NVL: variants seen among roughly 807,000 people sequenced by gnomAD.
The protein encoded by NVL is nuclear VCP like, also known as nuclear valosin-containing protein-like.
NVL carries 84 observed loss-of-function variants against 110.2 expected under a neutral mutation model. That is an observed-to-expected ratio of 0.76 (90% confidence interval 0.64 to 0.91). NVL has a LOEUF of 0.91. NVL is among the 40% of genes least tolerant of loss of function. NVL has a pLI of 0.00. For synonymous variants in NVL, 354 were observed against 361.1 expected (o/e 0.98, Z 0.22); for missense variants, 882 against 1,035.9 (o/e 0.85, Z 2.04).
At position 224,293,167 on chromosome 1, in the gene NVL, T is replaced by C. The variant is rs370283826; in HGVS notation, c.1325+1100A>G. ...TCACTGCAAGCTCCGCCTCCCGGGTTCACGCCATTCTCCTGCCTCAGCCTC... is the reference window on the plus strand; with the variant it reads ...TCACTGCAAGCTCCGCCTCCCGGGTCCACGCCATTCTCCTGCCTCAGCCTC... On this transcript the variant is annotated intron_variant, in intron 12 of 22. Transcript: ENST00000281701. Among the ~76,000 whole-genome samples, 33 of 152,056 alleles carry C rather than the reference T, an allele frequency of 2.2e-4. 1 individual carries two copies. In the South Asian group the frequency reaches 2.7e-3, roughly 12 times the overall value.
At chr1:224,316,025 T>C (rs1241310206) in intron 4 of NVL, among the ~76,000 whole-genome samples, 1 of 151,972 alleles carries the variant, frequency 6.6e-6, no homozygotes, top group Non-Finnish European at 1.5e-5. Context: ...GAGACCCCCA[T>C]TTCTACAAAA....
At chr1:224,321,298 G>A (rs149360997) in intron 2 of NVL, among the ~76,000 whole-genome samples, 2,322 of 152,150 alleles carry the variant, frequency 0.015, 23 homozygotes, top group Middle Eastern at 0.024. Flanking sequence ...AAAGAAAGAC[G>A]TAAAAGCGAT....
chr1:224,259,987 G>A (rs1285018916), intron 18 of NVL, among the ~76,000 whole-genome samples: 2 of 151,828 alleles, frequency 1.3e-5, no homozygotes, highest in African/African-American at 2.4e-5. Context: ...AATAATTATT[G>A]AGCTCTACTA....
chr1:224,274,058 A>ACACACACACACACC (rs569757319), intron 17 of NVL, among the ~76,000 whole-genome samples: 9 of 151,452 alleles, frequency 5.9e-5, no homozygotes, highest in Non-Finnish European at 7.4e-5. Flanking sequence ...ACACACACAC[A>ACACACACACACACC]CCCATATTGA....
In NVL at chr1:224,271,929, G is replaced by A. The variant is rs189889756; in HGVS notation, c.2082+3410C>T. On this transcript the variant is annotated intron_variant, in intron 17 of 22. Coordinates refer to ENST00000281701, the MANE Select transcript of NVL (RefSeq NM_002533.4). ...CTCGGGAGGCTGAGGCAGGAGAATC[G>A]CATGAACCCAGGAGGCAGAGGTTGC... Among the ~76,000 whole-genome samples the A allele has an allele frequency of 8.4e-3, 1,284 of 152,016 alleles. 19 individuals carry two copies. Among genetic ancestry groups the A allele is most frequent in the African/African-American group, 0.029 (1,209 of 41,472 alleles).
chr1:224,279,939 C>T (rs1198908451), intron 16 of NVL, among the ~76,000 whole-genome samples: 2 of 152,118 alleles, frequency 1.3e-5, no homozygotes, highest in Admixed American at 1.3e-4. Flanking sequence ...TTGCCTCAGC[C>T]TCCCAAAGTG....
chr1:224,313,895 C>T (rs935923461), intron 4 of NVL, among the ~76,000 whole-genome samples: 6 of 151,984 alleles, frequency 3.9e-5, no homozygotes, highest in African/African-American at 7.2e-5. Flanking sequence ...CCCAACTACT[C>T]GGGAGGCTGA....
intron 19 of NVL, among the ~76,000 whole-genome samples, chr1:224,243,331 C>T (rs1046972514): frequency 2.0e-5 from 3 of 151,252 alleles, no homozygotes; most frequent in African/African-American, 7.3e-5. Context: ...CCTGGTGGCA[C>T]GTTCCTGTAG....
At chr1:224,273,029 G>A (rs1195987681) in intron 17 of NVL, among the ~76,000 whole-genome samples, 1 of 102,550 alleles carries the variant, frequency 9.8e-6, no homozygotes, top group Non-Finnish European at 2.0e-5. Context: ...GCGAGACTCC[G>A]TCTCAAAAAA....
chr1:224,231,438 A>G (rs945728119), intron 21 of NVL, 142 bp from the exon 22 acceptor site: 14 of 635,152 alleles, frequency 2.2e-5, no homozygotes, highest in African/African-American at 2.2e-4. Context: ...TCTTTTTCAG[A>G]ACAGTATTCT....
At chr1:224,229,097 C>A (rs1003000514) in intron 22 of NVL, among the ~76,000 whole-genome samples, 2 of 151,450 alleles carry the variant, frequency 1.3e-5, no homozygotes, top group East Asian at 2.0e-4. Flanking sequence ...GAGTTGGAGA[C>A]CAGGCTGACC....
intron 16 of NVL, among the ~76,000 whole-genome samples, chr1:224,280,303 A>G (rs758839110): frequency 1.3e-5 from 2 of 151,428 alleles, no homozygotes; most frequent in Admixed American, 1.3e-4. Context: ...AAAATATGTT[A>G]CACTCTTGAC....
intron 4 of NVL, among the ~76,000 whole-genome samples, chr1:224,314,709 A>G (rs1287329022): frequency 2.0e-5 from 3 of 152,222 alleles, no homozygotes; most frequent in Non-Finnish European, 4.4e-5. Context: ...TTTCCCACTA[A>G]TATCATGAGG....
rs373349552 is a variant in NVL, at chr1:224,302,387, A to G, written c.960+1336T>C. On this transcript the variant is annotated intron_variant, in intron 9 of 22. Coordinates refer to ENST00000281701, the MANE Select transcript of NVL (RefSeq NM_002533.4). ...GGCTAATTTTGTATTTTTAGTAGAGATGGGGGTTTCTCCATGTTGGTCAGG... is the reference window on the plus strand; with the variant it reads ...GGCTAATTTTGTATTTTTAGTAGAGGTGGGGGTTTCTCCATGTTGGTCAGG... 2.2e-4 allele frequency among the ~76,000 whole-genome samples: 33 copies of G among 152,098 alleles called. 1 individual carries two copies. In the South Asian group the frequency reaches 2.7e-3, roughly 12 times the overall value.
At chr1:224,329,031 C>T (rs1284230157) in intron 1 of NVL, among the ~76,000 whole-genome samples, 6 of 151,764 alleles carry the variant, frequency 4.0e-5, no homozygotes, top group Non-Finnish European at 7.4e-5. Flanking sequence ...AGTGGAACCC[C>T]GTCTCTACAA....
intron 17 of NVL, among the ~76,000 whole-genome samples, chr1:224,274,975 GATATCTT>G (rs1216336994): frequency 6.6e-6 from 1 of 152,284 alleles, no homozygotes; most frequent in African/African-American, 2.4e-5. Flanking sequence ...TTGAGTGCAT[GATATCTT>G]AAACTGTATG....
Position 224,228,924 on chromosome 1 carries a change from C to CAAAA in NVL, c.2527-1258_2527-1255dup, listed in dbSNP as rs368485856. ...ATTGCGACAGAGCGAGACTCCGTCT[C>CAAAA]AAAAAAAAAAAAAAAAAAAAAAGAA... On this transcript the variant is annotated intron_variant, in intron 22 of 22. Transcript: ENST00000281701. Among the ~76,000 whole-genome samples the CAAAA allele has an allele frequency of 2.7e-3, 217 of 81,344 alleles. 3 individuals carry two copies. Among genetic ancestry groups the CAAAA allele is most frequent in the African/African-American group, 6.6e-3 (130 of 19,656 alleles). 53.4% of individuals were successfully genotyped at this position (81,344 alleles called of 152,430 possible). A position where few individuals can be genotyped will look rare whatever the true frequency, so the allele number is the denominator to read the frequency against.
chr1:224,272,801 G>A (rs536347926), intron 17 of NVL, among the ~76,000 whole-genome samples: 11 of 151,862 alleles, frequency 7.2e-5, no homozygotes, highest in Admixed American at 2.0e-4. Flanking sequence ...TTGGGAGGCC[G>A]AGGCGGGCGG....
chr1:224,296,108 G>A (rs902954411), intron 11 of NVL, among the ~76,000 whole-genome samples: 2 of 152,008 alleles, frequency 1.3e-5, no homozygotes, highest in African/African-American at 4.8e-5. Flanking sequence ...TCCAGCCTGG[G>A]TGACAGAGCA....
Sources: gnomAD v4.1 joint callset for allele counts (sites outside exome capture counted in the v4.1 genomes callset) on GRCh38, gnomAD v4.1.1 for gene constraint, MANE v1.5 for transcripts, NCBI Gene and HGNC (gene_info 2026-07-23, HGNC 2026-07-21) for gene names.